CACNA1A: variants seen among roughly 807,000 people sequenced by gnomAD.
CACNA1A encodes voltage-dependent P/Q-type calcium channel subunit alpha-1A.
In CACNA1A, 57 loss-of-function variants were observed where a neutral mutation model predicts 262.4. The observed-to-expected ratio is 0.22, with a 90% confidence interval of 0.18 to 0.27. The LOEUF (loss-of-function observed/expected upper bound fraction) is 0.27, where lower values mean the gene tolerates loss of function less well. CACNA1A is among the 10% of genes least tolerant of loss of function. CACNA1A has a pLI of 1.00. For missense variants in CACNA1A, 2,526 were observed against 3,562.8 expected, an observed-to-expected ratio of 0.71 and a Z score of 7.41; for synonymous variants, 1,431 against 1,419.3, an observed-to-expected ratio of 1.01 and a Z score of -0.18.
At chr19:13,378,615 AGATG>A in intron 3 of CACNA1A, among the ~76,000 whole-genome samples, 2 of 152,112 alleles carry the variant, frequency 1.3e-5, no homozygotes, top group East Asian at 3.8e-4. Context: ...CTGAAGGCTC[AGATG>A]ATTGTTAACT....
chr19:13,311,199 C>T (rs981423455), intron 12 of CACNA1A, among the ~76,000 whole-genome samples: 1 of 152,150 alleles, frequency 6.6e-6, no homozygotes, highest in Admixed American at 6.6e-5. Flanking sequence ...AAGCAATCCT[C>T]CCACCTTAGC....
chr19:13,325,405 A>C (rs2058343068), intron 10 of CACNA1A, among the ~76,000 whole-genome samples: 1 of 151,964 alleles, frequency 6.6e-6, no homozygotes, highest in African/African-American at 2.4e-5. Flanking sequence ...GCCTTCCAAA[A>C]CATTGGGATT....
At chr19:13,292,175 G>A (rs1170899382) in intron 19 of CACNA1A, among the ~76,000 whole-genome samples, 2 of 152,114 alleles carry the variant, frequency 1.3e-5, no homozygotes, top group African/African-American at 2.4e-5. Flanking sequence ...CACTGGGCTC[G>A]GCCACCTGGT....
At chr19:13,253,200 G>T (rs2056448649) in intron 29 of CACNA1A, 99 bp from the exon 30 acceptor site, 3 of 700,776 alleles carry the variant, frequency 4.3e-6, no homozygotes, top group South Asian at 1.8e-5. Flanking sequence ...CAACACTCCA[G>T]CCCCAGGCAA....
chr19:13,478,239 C>T (rs965521817), intron 1 of CACNA1A, among the ~76,000 whole-genome samples: 8 of 152,268 alleles, frequency 5.3e-5, no homozygotes, highest in Admixed American at 4.6e-4. Context: ...AAGTCTAATT[C>T]AGACTTGGGG....
intron 3 of CACNA1A, among the ~76,000 whole-genome samples, chr19:13,389,589 A>G (rs1471531481): frequency 6.6e-6 from 1 of 151,990 alleles, no homozygotes. Flanking sequence ...TTTTTCCCCA[A>G]TATTAAAGGT....
At chr19:13,307,905 A>G (rs1414676807) in intron 14 of CACNA1A, 51 bp from the exon 15 acceptor site, 14 of 1,530,686 alleles carry the variant, frequency 9.1e-6, no homozygotes, top group Non-Finnish European at 1.2e-5. Flanking sequence ...GGGTGCTCTG[A>G]GGGTGTGGCT....
chr19:13,334,672 GAA>G (rs1476610144), intron 7 of CACNA1A, among the ~76,000 whole-genome samples, 179 bp from the exon 8 acceptor site: 2 of 151,486 alleles, frequency 1.3e-5, no homozygotes, highest in African/African-American at 4.9e-5. Flanking sequence ...GGACTTCTGG[GAA>G]AAGACTGGGA....
At chr19:13,217,951 T>A (rs8106794) in intron 38 of CACNA1A, among the ~76,000 whole-genome samples, 44,592 of 96,304 alleles carry the variant, frequency 0.46, 9,278 homozygotes, top group East Asian at 0.59. Context: ...TTTTTTTTTT[T>A]AAAAAAAAGA....
At chr19:13,476,597 T>G (rs1286829217) in intron 1 of CACNA1A, among the ~76,000 whole-genome samples, 1 of 152,146 alleles carries the variant, frequency 6.6e-6, no homozygotes, top group Non-Finnish European at 1.5e-5. Flanking sequence ...CAGGGTTTCC[T>G]TTAGGGGGGA....
intron 1 of CACNA1A, among the ~76,000 whole-genome samples, chr19:13,465,958 T>C (rs992714203): frequency 2.0e-5 from 3 of 152,086 alleles, no homozygotes; most frequent in African/African-American, 7.2e-5. Flanking sequence ...GGTAAATCCA[T>C]AGAGACAGAA....
chr19:13,371,537 A>C (rs1038770942), intron 4 of CACNA1A, 151 bp downstream of exon 4: 1 of 623,668 alleles, frequency 1.6e-6, no homozygotes, highest in Non-Finnish European at 2.9e-6. Context: ...TCATATTCCT[A>C]GGGGGTTCCC....
Position 13,207,254 on chromosome 19 carries a change from C to A in CACNA1A, c.*59G>T. The A allele has an allele frequency of 6.9e-7, 1 of 1,459,714 alleles. No individual in the cohort carries two copies. The highest frequency in any genetic ancestry group is 9.0e-7 in the Non-Finnish European group (1 of 1,110,260). The allele number at this position is 1,459,714 out of a possible 1,614,324, so 90.4% of individuals were successfully genotyped here. A position where few individuals can be genotyped will look rare whatever the true frequency, so the allele number is the denominator to read the frequency against. ...CCCCCGCGGCCTCTGCGCGGCTCCT[C>A]GGGTGGGGTGTGTGCGTGGGGTGCG... is the stretch of plus-strand genomic sequence containing the variant. On this transcript the variant is annotated 3_prime_UTR_variant, in exon 47 of 47. Coordinates refer to ENST00000360228, the MANE Select transcript of CACNA1A (RefSeq NM_001127222.2). This position sits in a 1 kb window ranked among gnomAD's most constrained non-coding sequence, Gnocchi z 5.7.
intron 1 of CACNA1A, among the ~76,000 whole-genome samples, chr19:13,488,601 T>C (rs917815686): frequency 2.0e-5 from 3 of 151,844 alleles, no homozygotes; most frequent in African/African-American, 7.3e-5. Flanking sequence ...AGTTTCACCA[T>C]GTTGGCCAGG....
At chr19:13,250,470 C>A (rs1043202563) in intron 30 of CACNA1A, among the ~76,000 whole-genome samples, 5 of 152,104 alleles carry the variant, frequency 3.3e-5, no homozygotes, top group Admixed American at 1.3e-4. Flanking sequence ...GATCTCGGCT[C>A]ACTGCAACCT....
At chr19:13,352,438 T>G (rs924051740) in intron 6 of CACNA1A, among the ~76,000 whole-genome samples, 2 of 150,166 alleles carry the variant, frequency 1.3e-5, no homozygotes, top group African/African-American at 4.9e-5. Flanking sequence ...GTGATCATCA[T>G]AGAGAAATTT....
Position 13,207,698 on chromosome 19 carries a change from G to T in CACNA1A, c.7136C>A (p.Ser2379Tyr). The part of the protein sequence containing the change: ...RRVPGPARSE[S>Y]PRACRHGGAR... ...CCCGCCGTGTCGACAGGCCCTGGGG[G>T]ACTCGCTCCGGGCCGGGCCTGGGAC... Residue 2379 changes from serine (S) to tyrosine (Y), a missense_variant, in exon 47 of 47, where the codon TCC becomes TAC. Ser to Tyr is a moderately radical substitution (Grantham distance 144). Around this residue, in one of 17 missense-constraint regions of CACNA1A, gnomAD observed 929 missense variants for 868.1 expected, o/e 1.07. Coordinates refer to ENST00000360228, the MANE Select transcript of CACNA1A (RefSeq NM_001127222.2). The surrounding 1 kb of genome is among the most constrained non-coding windows in gnomAD (Gnocchi z 5.7). 1.4e-6 allele frequency: 2 copies of T among 1,381,862 alleles called. No homozygotes were observed. Among genetic ancestry groups the T allele is most frequent in the Non-Finnish European group, 1.9e-6 (2 of 1,069,470 alleles). 85.6% of individuals were successfully genotyped at this position (1,381,862 alleles called of 1,614,324 possible).
chr19:13,504,320 CT>C (rs1982755278), intron 1 of CACNA1A, among the ~76,000 whole-genome samples: 1 of 152,186 alleles, frequency 6.6e-6, no homozygotes. Flanking sequence ...CTGGCACCTG[CT>C]TTGGGCACCA....
intron 5 of CACNA1A, among the ~76,000 whole-genome samples, chr19:13,361,276 C>T (rs1023484812): frequency 2.6e-5 from 4 of 152,130 alleles, no homozygotes; most frequent in African/African-American, 9.7e-5. Flanking sequence ...TGCCAACAGA[C>T]ACCCCTTTTG....
Sources: allele counts gnomAD v4.1 joint callset (sites outside exome capture counted in the v4.1 genomes callset), GRCh38; gene constraint gnomAD v4.1.1; regional missense constraint gnomAD v4.1.1; non-coding constraint Gnocchi (gnomAD v3.1); transcripts MANE v1.5; gene names NCBI Gene and HGNC (gene_info 2026-07-23, HGNC 2026-07-21).